MARCHF8: variants seen among roughly 807,000 people sequenced by gnomAD.
The protein encoded by MARCHF8 is E3 ubiquitin-protein ligase MARCHF8.
MARCHF8 carries 40 observed loss-of-function variants against 51.6 expected under a neutral mutation model. The ratio of observed to expected loss-of-function variants is 0.77; its 90% CI spans 0.60 to 1.01. The LOEUF (loss-of-function observed/expected upper bound fraction) is 1.01. MARCHF8 is among the 50% of genes least tolerant of loss of function. MARCHF8 has a pLI of 0.00. For synonymous variants in MARCHF8, 263 were observed against 280.3 expected, an observed-to-expected ratio of 0.94 and a Z score of 0.62; for missense variants, 685 against 708.6, an observed-to-expected ratio of 0.97 and a Z score of 0.38.
At position 45,560,488 on chromosome 10, in the gene MARCHF8, A is replaced by AC. The variant is rs146333608; in HGVS notation, c.-78-27200dup. Reference sequence around the variant, plus strand: ...GGGAGGGCGACCATGTTGATTACCCACAAGTGTGTTGACTCAAAGCCATTG... The same window carrying AC: ...GGGAGGGCGACCATGTTGATTACCCACCAAGTGTGTTGACTCAAAGCCATTG... On this transcript the variant is annotated intron_variant, in intron 1 of 6. Coordinates refer to the MARCHF8 transcript ENST00000319836. 3.8e-3 allele frequency among the ~76,000 whole-genome samples: 575 copies of AC among 152,334 alleles called. 11 individuals carry two copies. The East Asian group carries it at 0.053, about 14-fold the overall frequency.
At chr10:45,520,243 T>G (rs1304771034) in intron 2 of MARCHF8, among the ~76,000 whole-genome samples, 1 of 152,196 alleles carries the variant, frequency 6.6e-6, no homozygotes, top group African/African-American at 2.4e-5. Flanking sequence ...GATATGTAAG[T>G]GTTAGCCATT....
At position 45,560,949 on chromosome 10, in the gene MARCHF8, C is replaced by A. The variant is rs183559471; in HGVS notation, c.-78-27660G>T. On this transcript the variant is annotated intron_variant, in intron 1 of 6. Transcript: ENST00000319836. ...CATACAAGGATAAGATATGTTTAAA[C>A]ATGCAAGGGAAATAAGGCAAAGAGA... 1.7e-3 allele frequency among the ~76,000 whole-genome samples: 261 copies of A among 152,218 alleles called. 1 individual carries two copies. The highest frequency in any genetic ancestry group is 4.6e-3 in the African/African-American group (193 of 41,530).
chr10:45,462,639 T>G (rs1379249476), intron 5 of MARCHF8, among the ~76,000 whole-genome samples: 4 of 152,054 alleles, frequency 2.6e-5, no homozygotes, highest in South Asian at 2.1e-4. Context: ...GTTTTGTTTT[T>G]TTTTAGACAG....
chr10:45,477,730 T>G (rs987086948), intron 3 of MARCHF8, among the ~76,000 whole-genome samples: 4 of 152,108 alleles, frequency 2.6e-5, no homozygotes, highest in Non-Finnish European at 4.4e-5. Context: ...AAAAAAGATA[T>G]TCCATGCAAA....
intron 1 of MARCHF8, among the ~76,000 whole-genome samples, chr10:45,588,547 A>G (rs1441027558): frequency 6.6e-6 from 1 of 152,242 alleles, no homozygotes; most frequent in African/African-American, 2.4e-5. Context: ...GTTGATAAAG[A>G]CTTGTATTAT....
rs1564513042 is a variant in MARCHF8 at position 45,549,579 on chromosome 10, C to A, written c.-78-16290G>T. ...TCAAGAAGGGGGAAAAGAGACTCTA[C>A]CACTTGATGGGTCCTGTGGTTTGAA... On this transcript the variant is annotated intron_variant, in intron 1 of 6. Coordinates refer to the MARCHF8 transcript ENST00000319836. 2.0e-5 allele frequency among the ~76,000 whole-genome samples: 3 copies of A among 152,202 alleles called. No homozygotes were observed. The South Asian group carries it at 6.2e-4, about 32-fold the overall frequency.
intron 1 of MARCHF8, among the ~76,000 whole-genome samples, chr10:45,560,471 G>A (rs965975753): frequency 1.3e-5 from 2 of 152,126 alleles, no homozygotes; most frequent in Admixed American, 6.5e-5. Context: ...CGGGGAGGGC[G>A]ACCATGTTGA....
intron 1 of MARCHF8, among the ~76,000 whole-genome samples, chr10:45,575,494 C>T (rs1181263636): frequency 2.6e-5 from 4 of 152,098 alleles, no homozygotes; most frequent in Admixed American, 1.3e-4. Context: ...ACGACAAATG[C>T]TCCTTCAAAC....
Position 45,464,278 on chromosome 10 carries a change from G to C in MARCHF8, c.203C>G (p.Ser68Cys), listed in dbSNP as rs141581157. The C allele has an allele frequency of 3.1e-6, 5 of 1,614,078 alleles. No homozygotes were observed. The highest frequency in any genetic ancestry group is 4.2e-6 in the Non-Finnish European group (5 of 1,180,038). ...ASAPAPVSSFSRTSITPSSQD... is the reference protein window; with the variant it reads ...ASAPAPVSSFCRTSITPSSQD... ...GCTGGATGGCGTGATAGAAGTGCGA[G>C]AGAAGGAGGACACCGGAGCCGGAGC... The change falls in exon 4 of 8, where the codon TCT (serine) becomes TGT (cysteine). Residue 68 changes from serine to cysteine, a missense_variant. Physicochemically the swap from Ser to Cys is moderately radical, Grantham distance 112. Coordinates refer to ENST00000453424, the MANE Select transcript of MARCHF8 (RefSeq NM_001282866.2).
intron 2 of MARCHF8, among the ~76,000 whole-genome samples, chr10:45,510,285 G>A (rs1429426362): frequency 6.6e-6 from 1 of 152,084 alleles, no homozygotes; most frequent in African/African-American, 2.4e-5. Flanking sequence ...TATTATTTAA[G>A]CCATGCAGTC....
At chr10:45,504,942 T>G (rs985083928) in intron 2 of MARCHF8, among the ~76,000 whole-genome samples, 3 of 152,190 alleles carry the variant, frequency 2.0e-5, no homozygotes, top group Admixed American at 6.5e-5. Context: ...TCTACAAAGG[T>G]GGCCCTACAT....
intron 2 of MARCHF8, among the ~76,000 whole-genome samples, chr10:45,526,595 G>A (rs1420940089): frequency 6.6e-6 from 1 of 152,076 alleles, no homozygotes; most frequent in Non-Finnish European, 1.5e-5. Flanking sequence ...TGTACAGTCT[G>A]CAGAATAGTG....
chr10:45,498,435 T>C (rs2043214638), intron 2 of MARCHF8, among the ~76,000 whole-genome samples: 1 of 152,188 alleles, frequency 6.6e-6, no homozygotes, highest in African/African-American at 2.4e-5. Flanking sequence ...CTCACTTCAC[T>C]TGGCATAATG....
chr10:45,469,287 C>T (rs1338663857), intron 3 of MARCHF8, among the ~76,000 whole-genome samples: 1 of 152,078 alleles, frequency 6.6e-6, no homozygotes, highest in Non-Finnish European at 1.5e-5. Context: ...CATAATGCCA[C>T]TTTACACTGA....
chr10:45,512,053 G>A (rs2043523127), intron 2 of MARCHF8, among the ~76,000 whole-genome samples: 1 of 150,410 alleles, frequency 6.6e-6, no homozygotes, highest in Non-Finnish European at 1.5e-5. Flanking sequence ...GAGCGTCTCT[G>A]CCCGGCCGCC....
rs139998824 is a variant in MARCHF8, at chr10:45,472,615, C to T, written c.154-8288G>A. Reference sequence around the variant, plus strand: ...GCATGTTGCTTAGCTTCTGGAACTCCGCTGTATACTTGTGGAAGAATGAGA... The same window carrying T: ...GCATGTTGCTTAGCTTCTGGAACTCTGCTGTATACTTGTGGAAGAATGAGA... On this transcript the variant is annotated intron_variant, in intron 3 of 7. Coordinates refer to ENST00000453424, the MANE Select transcript of MARCHF8 (RefSeq NM_001282866.2). 4.4e-3 allele frequency among the ~76,000 whole-genome samples: 673 copies of T among 152,282 alleles called. 4 individuals are homozygous for T. The highest frequency in any genetic ancestry group is 0.015 in the African/African-American group (640 of 41,552).
At chr10:45,563,189 GGTAATT>G (rs2044329653) in intron 1 of MARCHF8, among the ~76,000 whole-genome samples, 1 of 152,018 alleles carries the variant, frequency 6.6e-6, no homozygotes, top group South Asian at 2.1e-4. Context: ...ACCATACCTG[GGTAATT>G]TTTTTATTTT....
rs2129644 is a variant in MARCHF8 at position 45,525,551 on chromosome 10, C to T, written c.102+7559G>A. 3.8e-3 allele frequency among the ~76,000 whole-genome samples: 574 copies of T among 152,282 alleles called. 11 individuals carry two copies. In the East Asian group the frequency reaches 0.052, roughly 14 times the overall value. On this transcript the variant is annotated intron_variant, in intron 2 of 7. Transcript: ENST00000453424. Reference sequence around the variant, plus strand: ...AGACTCCACCTTCAAGGAGGGGGAGCACAACTCCCCATTCTTTAAAGTGGG... The same window carrying T: ...AGACTCCACCTTCAAGGAGGGGGAGTACAACTCCCCATTCTTTAAAGTGGG...
chr10:45,569,898 C>T (rs1250907390), intron 1 of MARCHF8, among the ~76,000 whole-genome samples: 1 of 151,854 alleles, frequency 6.6e-6, no homozygotes, highest in East Asian at 1.9e-4. Flanking sequence ...ACAAGAGATA[C>T]CTTTTGAATA....
Sources: gnomAD v4.1 joint callset for allele counts (sites outside exome capture counted in the v4.1 genomes callset) on GRCh38, gnomAD v4.1.1 for gene constraint, MANE v1.5 for transcripts, NCBI Gene and HGNC (gene_info 2026-07-23, HGNC 2026-07-21) for gene names.